Variants in KCNH5 observed in about 807,000 individuals in gnomAD.
The protein encoded by KCNH5 is potassium voltage-gated channel subfamily H member 5.
KCNH5 carries 46 observed loss-of-function variants against 96.1 expected under a neutral mutation model. The ratio of observed to expected loss-of-function variants is 0.48; its 90% CI spans 0.38 to 0.61. The LOEUF is 0.61. Among genes scored for constraint, KCNH5 ranks in the 20% least tolerant of loss-of-function variants. The pLI is 0.00. For missense variants in KCNH5, 907 were observed against 1,225.8 expected, an observed-to-expected ratio of 0.74 and a Z score of 3.88; for synonymous variants, 439 against 449.8, an observed-to-expected ratio of 0.98 and a Z score of 0.30.
intron 8 of KCNH5, among the ~76,000 whole-genome samples, chr14:62,825,781 C>T (rs1190345639): frequency 6.6e-6 from 1 of 151,146 alleles, no homozygotes; most frequent in African/African-American, 2.4e-5. Context: ...CTTTCTTTCT[C>T]TCTTACTTTG....
chr14:62,902,561 C>T (rs1405756505), intron 7 of KCNH5, among the ~76,000 whole-genome samples: 5 of 151,988 alleles, frequency 3.3e-5, no homozygotes, highest in Admixed American at 6.6e-5. Context: ...CTAATACAGG[C>T]AATATAGTAT....
At chr14:62,884,347 G>A (rs1357709061) in intron 7 of KCNH5, among the ~76,000 whole-genome samples, 7 of 152,256 alleles carry the variant, frequency 4.6e-5, no homozygotes, top group Middle Eastern at 3.4e-3. Context: ...AATAATGGCC[G>A]GGCACGGTGG....
chr14:62,840,559 T>TTTTTTTC (rs1566678098), intron 8 of KCNH5, among the ~76,000 whole-genome samples: 1 of 129,986 alleles, frequency 7.7e-6, no homozygotes, highest in African/African-American at 2.9e-5. Flanking sequence ...TCTTTTTTCT[T>TTTTTTTC]TTTTTTCTTT....
intron 10 of KCNH5, among the ~76,000 whole-genome samples, chr14:62,733,622 C>G (rs940900502): frequency 2.0e-5 from 3 of 152,108 alleles, no homozygotes; most frequent in Non-Finnish European, 4.4e-5. Flanking sequence ...GCCACTATTC[C>G]CACATATAAC....
intron 7 of KCNH5, among the ~76,000 whole-genome samples, chr14:62,887,472 G>T (rs1888620143): frequency 6.6e-6 from 1 of 152,076 alleles, no homozygotes; most frequent in Non-Finnish European, 1.5e-5. Context: ...GCCTCTTACT[G>T]ATGCTTCAAA....
chr14:62,937,466 T>A (rs770264576), intron 7 of KCNH5, among the ~76,000 whole-genome samples: 1 of 152,158 alleles, frequency 6.6e-6, no homozygotes, highest in South Asian at 2.1e-4. Flanking sequence ...AGGCCCTGAA[T>A]GGTTTGCACC....
intron 8 of KCNH5, among the ~76,000 whole-genome samples, chr14:62,829,305 T>C (rs1887292762): frequency 6.6e-6 from 1 of 152,120 alleles, no homozygotes; most frequent in African/African-American, 2.4e-5. Flanking sequence ...CACTAGGAAG[T>C]ACCCCAGTGA....
chr14:62,902,187 C>A (rs1444421458), intron 7 of KCNH5, among the ~76,000 whole-genome samples: 1 of 151,474 alleles, frequency 6.6e-6, no homozygotes, highest in African/African-American at 2.4e-5. Context: ...TTGATGGTTT[C>A]TTTTGCTATG....
At chr14:62,709,220 G>A (rs1328145562) in intron 10 of KCNH5, among the ~76,000 whole-genome samples, 1 of 91,366 alleles carries the variant, frequency 1.1e-5, no homozygotes, top group African/African-American at 4.3e-5. Context: ...GCGACAGAAC[G>A]AGACTCCTTC....
intron 8 of KCNH5, among the ~76,000 whole-genome samples, chr14:62,842,185 G>A (rs1035323228): frequency 2.6e-5 from 4 of 152,188 alleles, no homozygotes; most frequent in South Asian, 4.2e-4. Context: ...CTTAAACTAC[G>A]CTAAAAGCCA....
At chr14:62,876,495 T>C (rs1018854208) in intron 7 of KCNH5, among the ~76,000 whole-genome samples, 3 of 152,226 alleles carry the variant, frequency 2.0e-5, no homozygotes, top group Non-Finnish European at 4.4e-5. Flanking sequence ...CAAGTGAATA[T>C]AGTCATATAG....
At chr14:62,945,556 C>T (rs965074005) in intron 7 of KCNH5, among the ~76,000 whole-genome samples, 1 of 152,102 alleles carries the variant, frequency 6.6e-6, no homozygotes, top group Non-Finnish European at 1.5e-5. Flanking sequence ...CAGAGGCCTA[C>T]CTCTCATGGA....
At chr14:62,831,693 GT>G (rs1446547216) in intron 8 of KCNH5, among the ~76,000 whole-genome samples, 1 of 151,952 alleles carries the variant, frequency 6.6e-6, no homozygotes, top group Non-Finnish European at 1.5e-5. Flanking sequence ...CTTGTAATGT[GT>G]TTTGATGAAC....
chr14:62,711,104 T>A (rs752788567), intron 10 of KCNH5, among the ~76,000 whole-genome samples: 65 of 152,302 alleles, frequency 4.3e-4, no homozygotes, highest in Admixed American at 8.5e-4. Flanking sequence ...TGGCTAATAA[T>A]TGCTTGCAAT....
chr14:62,961,960 G>A (rs1225552389), intron 6 of KCNH5, among the ~76,000 whole-genome samples: 1 of 152,088 alleles, frequency 6.6e-6, no homozygotes, highest in African/African-American at 2.4e-5. Flanking sequence ...TGGAGTTACA[G>A]ATGGAGACGG....
chr14:62,936,532 G>A (rs148077225), intron 7 of KCNH5, among the ~76,000 whole-genome samples: 65 of 151,880 alleles, frequency 4.3e-4, no homozygotes, highest in Middle Eastern at 3.4e-3. Flanking sequence ...AAAATCAGCC[G>A]GGCATGGTGG....
At chr14:62,892,337 G>A (rs10134277) in intron 7 of KCNH5, among the ~76,000 whole-genome samples, 19,134 of 152,202 alleles carry the variant, frequency 0.13, 1,396 homozygotes, top group East Asian at 0.27. Context: ...GCCAGAGCAA[G>A]GCTCTAACTC....
chr14:62,852,525 C>A (rs760219432), intron 7 of KCNH5, among the ~76,000 whole-genome samples: 12 of 151,956 alleles, frequency 7.9e-5, no homozygotes, highest in Non-Finnish European at 1.6e-4. Flanking sequence ...TGACATCCTA[C>A]ACAATTATAG....
intron 1 of KCNH5, among the ~76,000 whole-genome samples, chr14:63,022,390 A>G (rs779050116): frequency 2.6e-5 from 4 of 152,212 alleles, no homozygotes; most frequent in Non-Finnish European, 5.9e-5. Context: ...TGATTTACTC[A>G]GAACCTCTGT....
Sources: allele counts gnomAD v4.1 joint callset (sites outside exome capture counted in the v4.1 genomes callset), GRCh38; gene constraint gnomAD v4.1.1; transcripts MANE v1.5; gene names NCBI Gene and HGNC (gene_info 2026-07-23, HGNC 2026-07-21).